Variants in RPRD1B observed in about 807,000 individuals in gnomAD.
RPRD1B encodes the protein regulation of nuclear pre-mRNA domain-containing protein 1B.
A neutral mutation model predicts 41.5 loss-of-function variants in RPRD1B; 11 were observed. The observed-to-expected ratio is 0.27, with a 90% CI of 0.17 to 0.44. RPRD1B has a LOEUF of 0.44. RPRD1B is among the 20% of genes least tolerant of loss of function. The pLI is 1.00. For synonymous variants in RPRD1B, 158 were observed against 155.6 expected (o/e 1.02, Z -0.12); for missense variants, 248 against 389.9 (o/e 0.64, Z 3.06).
chr20:38,058,413 G>A (rs1222644658), intron 4 of RPRD1B, among the ~76,000 whole-genome samples: 1 of 151,178 alleles, frequency 6.6e-6, no homozygotes, highest in East Asian at 1.9e-4. Context: ...TATATCTTTG[G>A]ATTTAAACAC....
rs545179484 is a variant in RPRD1B at position 38,045,843 on chromosome 20, A to G, written c.282-2505A>G. 3.9e-5 allele frequency among the ~76,000 whole-genome samples: 6 copies of G among 152,314 alleles called. No individual in the cohort carries two copies. In the East Asian group the frequency reaches 7.7e-4, roughly 20 times the overall value. ...ATTAACTAAGTTCTGATTAGTTGCA[A>G]TTTGGTTTTACTAATTATAATGACT... On this transcript the variant is annotated intron_variant, in intron 2 of 6. Coordinates refer to ENST00000373433, the MANE Select transcript of RPRD1B (RefSeq NM_021215.4).
intron 5 of RPRD1B, among the ~76,000 whole-genome samples, chr20:38,062,488 C>T (rs1370277763): frequency 6.6e-6 from 1 of 152,182 alleles, no homozygotes; most frequent in Non-Finnish European, 1.5e-5. Flanking sequence ...CTCTGCCCCA[C>T]ACTGAACTTC....
At chr20:38,071,821 A>G (rs1195136010) in intron 6 of RPRD1B, among the ~76,000 whole-genome samples, 1 of 152,186 alleles carries the variant, frequency 6.6e-6, no homozygotes, top group African/African-American at 2.4e-5. Context: ...TCGGCTGTTT[A>G]TCTTTGGAGA....
intron 4 of RPRD1B, among the ~76,000 whole-genome samples, 197 bp from the exon 5 acceptor site, chr20:38,059,197 G>A (rs2074272553): frequency 6.6e-6 from 1 of 152,188 alleles, no homozygotes; most frequent in Non-Finnish European, 1.5e-5. Context: ...CATGGACTTA[G>A]ATAAACTAAT....
chr20:38,056,758 A>G (rs1740519366), intron 3 of RPRD1B, among the ~76,000 whole-genome samples: 1 of 152,254 alleles, frequency 6.6e-6, no homozygotes, highest in Admixed American at 6.5e-5. Flanking sequence ...TTGCAATGCC[A>G]GGCACAGGCT....
At chr20:38,048,097 G>A (rs550338560) in intron 2 of RPRD1B, among the ~76,000 whole-genome samples, 1 of 152,080 alleles carries the variant, frequency 6.6e-6, no homozygotes, top group Non-Finnish European at 1.5e-5. Context: ...ATAATTTTCT[G>A]TCTGTAAAAA....
intron 6 of RPRD1B, among the ~76,000 whole-genome samples, chr20:38,077,239 T>C (rs1168574076): frequency 3.9e-5 from 6 of 151,992 alleles, no homozygotes; most frequent in Admixed American, 2.6e-4. Flanking sequence ...CTTGAGTGCT[T>C]TATACTTAGG....
chr20:38,089,568 C>T (rs769649527), intron 6 of RPRD1B, among the ~76,000 whole-genome samples, 158 bp from the exon 7 acceptor site: 2 of 152,136 alleles, frequency 1.3e-5, no homozygotes, highest in Non-Finnish European at 2.9e-5. Context: ...GCCTTTTGAG[C>T]ATTTGAAGCC....
intron 2 of RPRD1B, among the ~76,000 whole-genome samples, chr20:38,044,534 C>T (rs974099817): frequency 7.2e-5 from 11 of 152,000 alleles, no homozygotes; most frequent in African/African-American, 2.7e-4. Flanking sequence ...CCATGATGCC[C>T]GGCTAATTTT....
chr20:38,084,695 C>G (rs575557083), intron 6 of RPRD1B, among the ~76,000 whole-genome samples: 25 of 152,320 alleles, frequency 1.6e-4, no homozygotes, highest in African/African-American at 6.0e-4. Flanking sequence ...ACGGTGTCAG[C>G]TGGATCCACA....
intron 3 of RPRD1B, among the ~76,000 whole-genome samples, chr20:38,049,367 C>CTTTT (rs11481142): frequency 8.5e-4 from 79 of 93,416 alleles, no homozygotes; most frequent in African/African-American, 2.2e-3. Context: ...TTCTTTTTTT[C>CTTTT]TTTTTTTTTT....
chr20:38,076,906 CTTTTTTTTTTTTTTTTTT>C (rs573460686), intron 6 of RPRD1B, among the ~76,000 whole-genome samples: 2 of 63,510 alleles, frequency 3.1e-5, no homozygotes, highest in East Asian at 5.9e-4. Context: ...CATTCTGGAC[CTTTTTTTTTTTTTTTTTT>C]TTTTTTTTTT....
At chr20:38,075,581 T>TG (rs1309350343) in intron 6 of RPRD1B, among the ~76,000 whole-genome samples, 1 of 152,222 alleles carries the variant, frequency 6.6e-6, no homozygotes, top group African/African-American at 2.4e-5. Context: ...ACTGTTAAGG[T>TG]GGGCCTTCTA....
In RPRD1B at chr20:38,090,348, G is replaced by T; in HGVS notation, c.*473G>T. On this transcript the variant is annotated 3_prime_UTR_variant, in exon 7 of 7. Transcript: ENST00000373433. Reference sequence around the variant, plus strand: ...GACGTTGGCTTTCCCAGCTGCATCTGCCCCAAAAGGTTGTAGGCACAGCTG... The same window carrying T: ...GACGTTGGCTTTCCCAGCTGCATCTTCCCCAAAAGGTTGTAGGCACAGCTG... The T allele has an allele frequency of 1.0e-6, 1 of 986,542 alleles. No homozygotes were observed. 61.1% of individuals were successfully genotyped at this position (986,542 alleles called of 1,614,324 possible). A position where few individuals can be genotyped will look rare whatever the true frequency, so the allele number is the denominator to read the frequency against.
intron 6 of RPRD1B, among the ~76,000 whole-genome samples, chr20:38,069,724 A>G (rs2074392989): frequency 6.6e-6 from 1 of 152,248 alleles, no homozygotes; most frequent in East Asian, 1.9e-4. Flanking sequence ...GTAGAATTCA[A>G]GATAGGTTGT....
intron 6 of RPRD1B, among the ~76,000 whole-genome samples, chr20:38,071,445 C>T (rs142443021): frequency 2.5e-4 from 38 of 152,300 alleles, no homozygotes; most frequent in Non-Finnish European, 4.9e-4. Context: ...TGTCTATGGA[C>T]ATTTGAGTTG....
chr20:38,035,857 C>T (rs182616465), intron 1 of RPRD1B, among the ~76,000 whole-genome samples: 40 of 151,900 alleles, frequency 2.6e-4, no homozygotes, highest in Non-Finnish European at 3.7e-4. Context: ...CTCCACCTCC[C>T]GGGTTCATGC....
At chr20:38,040,890 A>G (rs2122693680) in intron 2 of RPRD1B, among the ~76,000 whole-genome samples, 1 of 152,368 alleles carries the variant, frequency 6.6e-6, no homozygotes, top group South Asian at 2.1e-4. Context: ...AACAAAGCTA[A>G]CTAGTAAGGG....
At chr20:38,081,537 TTTTA>T (rs1324605313) in intron 6 of RPRD1B, among the ~76,000 whole-genome samples, 1 of 152,196 alleles carries the variant, frequency 6.6e-6, no homozygotes, top group African/African-American at 2.4e-5. Flanking sequence ...TTTGGATGCC[TTTTA>T]TTTCTTTCTC....
Sources: gnomAD v4.1 joint callset for allele counts (sites outside exome capture counted in the v4.1 genomes callset) on GRCh38, gnomAD v4.1.1 for gene constraint, MANE v1.5 for transcripts, NCBI Gene and HGNC (gene_info 2026-07-23, HGNC 2026-07-21) for gene names.